The following KIFAP3 variants were observed in gnomAD, a reference collection of about 807,000 sequenced individuals.
KIFAP3 encodes kinesin associated protein 3.
KIFAP3 carries 68 observed loss-of-function variants against 106.5 expected under a neutral mutation model. The observed-to-expected ratio is 0.64, with a 90% CI of 0.53 to 0.78. The LOEUF is 0.78. Among genes scored for constraint, KIFAP3 ranks in the 30% least tolerant of loss-of-function variants. KIFAP3 has a pLI of 0.00. For missense variants in KIFAP3, 780 were observed against 941.8 expected (o/e 0.83, Z 2.25); for synonymous variants, 320 against 311.5 (o/e 1.03, Z -0.29).
At chr1:170,073,776 A>AT (rs935844336) in intron 1 of KIFAP3, among the ~76,000 whole-genome samples, 1 of 152,014 alleles carries the variant, frequency 6.6e-6, no homozygotes, top group Non-Finnish European at 1.5e-5. Context: ...ACAGACTACA[A>AT]TTTTTTTGAG....
chr1:169,930,490 A>G (rs1455038817), intron 19 of KIFAP3, among the ~76,000 whole-genome samples: 4 of 152,236 alleles, frequency 2.6e-5, no homozygotes, highest in Admixed American at 2.0e-4. Flanking sequence ...TGAATTAAGT[A>G]TACGGTGTAA....
Position 170,031,925 on chromosome 1 carries a change from A to G in KIFAP3, c.802T>C (p.Tyr268His). 6.2e-7 allele frequency: 1 copy of G among 1,611,166 alleles called. No individual in the cohort carries two copies. The highest frequency in any genetic ancestry group is 8.5e-7 in the Non-Finnish European group (1 of 1,177,932). ...TCCTGTTTTACCACAAGCCCCTGGT[A>G]CTTTTTAAAGGTTTTTTCATAATCC... ...RKDYEKTFKKYQGLVVKQEQL... is the reference protein window; with the variant it reads ...RKDYEKTFKKHQGLVVKQEQL... The change falls in exon 8 of 20, where the codon TAC (tyrosine) becomes CAC (histidine). Residue 268 changes from tyrosine to histidine, a missense_variant. Tyr to His is a moderately conservative substitution (Grantham distance 83, BLOSUM62 2). Transcript: ENST00000361580.
At chr1:169,979,941 C>G (rs890133085) in intron 15 of KIFAP3, among the ~76,000 whole-genome samples, 1 of 151,940 alleles carries the variant, frequency 6.6e-6, no homozygotes, top group Non-Finnish European at 1.5e-5. Flanking sequence ...TTATACATAA[C>G]AATGAAAATG....
chr1:169,989,311 C>A (rs1369957637), intron 11 of KIFAP3, among the ~76,000 whole-genome samples: 1 of 148,576 alleles, frequency 6.7e-6, no homozygotes, highest in African/African-American at 2.4e-5. Flanking sequence ...GTTTCCTATC[C>A]TTCTTGGTTT....
chr1:170,049,665 G>T lies in KIFAP3; in HGVS notation c.165-2799C>A, dbSNP rs140083849. On this transcript the variant is annotated intron_variant, in intron 2 of 19. Coordinates refer to ENST00000361580, the MANE Select transcript of KIFAP3 (RefSeq NM_014970.4). Reference sequence around the variant, plus strand: ...AGCAGGCAGTAATCTTTGCTGTTCAGCAGCTTCCACTGGTAATACCCAGGA... The same window carrying T: ...AGCAGGCAGTAATCTTTGCTGTTCATCAGCTTCCACTGGTAATACCCAGGA... 5.1e-3 allele frequency among the ~76,000 whole-genome samples: 771 copies of T among 152,304 alleles called. 4 individuals are homozygous for T. Among genetic ancestry groups the T allele is most frequent in the African/African-American group, 0.017 (727 of 41,570 alleles).
At chr1:170,081,190 C>A (rs1418597309) in intron 1 of KIFAP3, among the ~76,000 whole-genome samples, 1 of 151,996 alleles carries the variant, frequency 6.6e-6, no homozygotes, top group Non-Finnish European at 1.5e-5. Context: ...AGAACTATTA[C>A]AAGTCAACAA....
intron 1 of KIFAP3, among the ~76,000 whole-genome samples, chr1:170,079,787 T>A (rs979840941): frequency 2.0e-5 from 3 of 152,174 alleles, no homozygotes; most frequent in South Asian, 4.1e-4. Flanking sequence ...GTTTTTTTTT[T>A]AATATTTCTA....
At chr1:169,933,121 A>AT (rs1304840535) in intron 19 of KIFAP3, among the ~76,000 whole-genome samples, 1 of 152,070 alleles carries the variant, frequency 6.6e-6, no homozygotes, top group Non-Finnish European at 1.5e-5. Context: ...AACTTAAAAA[A>AT]TTTGATTCTA....
intron 2 of KIFAP3, among the ~76,000 whole-genome samples, chr1:170,051,170 A>C (rs926621451): frequency 6.6e-6 from 1 of 152,122 alleles, no homozygotes; most frequent in Non-Finnish European, 1.5e-5. Context: ...AAAAAAAAAA[A>C]AAAGCAGGGA....
At chr1:170,050,495 C>G in intron 2 of KIFAP3, among the ~76,000 whole-genome samples, 1 of 152,094 alleles carries the variant, frequency 6.6e-6, no homozygotes, top group East Asian at 1.9e-4. Context: ...ACAGAGAACA[C>G]CACTAAGATA....
In KIFAP3 at chr1:170,074,463, T is replaced by C. The variant is rs1187609378; in HGVS notation, c.5A>G (p.Gln2Arg). 1 of 1,606,694 alleles carries C rather than the reference T, an allele frequency of 6.2e-7. No individual in the cohort carries two copies. The highest frequency in any genetic ancestry group is 1.7e-5 in the Admixed American group (1 of 59,960). ...TTTGAGGTATCTGGCGTCCTCCCCT[T>C]GCATGGCGGCAGCGGCAGCGGCGTG... M[Q>R]GEDARYLKRK... Residue 2 changes from glutamine (Q) to arginine (R), a missense_variant, in exon 1 of 20, where the codon CAA (glutamine) becomes CGA (arginine). Gln to Arg is a conservative substitution (Grantham distance 43). Around this residue, in one of 3 missense-constraint regions of KIFAP3, gnomAD observed 588 missense variants for 678.9 expected, o/e 0.87. Transcript: ENST00000361580.
At chr1:169,986,294 A>G (rs1372627728) in intron 11 of KIFAP3, among the ~76,000 whole-genome samples, 1 of 151,958 alleles carries the variant, frequency 6.6e-6, no homozygotes, top group Non-Finnish European at 1.5e-5. Context: ...GAAAACCAAA[A>G]TTAAATTTGG....
chr1:170,018,477 C>T (rs180999936), intron 9 of KIFAP3, among the ~76,000 whole-genome samples: 21 of 151,652 alleles, frequency 1.4e-4, no homozygotes, highest in Admixed American at 1.0e-3. Flanking sequence ...AAACATCTCA[C>T]GTCTTTTAGT....
intron 8 of KIFAP3, among the ~76,000 whole-genome samples, chr1:170,026,877 T>A (rs1669135013): frequency 6.6e-6 from 1 of 152,196 alleles, no homozygotes; most frequent in Non-Finnish European, 1.5e-5. Context: ...CTGTCCAGAC[T>A]AACAAATTAT....
At chr1:169,956,980 A>T (rs1665049121) in intron 18 of KIFAP3, among the ~76,000 whole-genome samples, 1 of 152,192 alleles carries the variant, frequency 6.6e-6, no homozygotes, top group South Asian at 2.1e-4. Context: ...GACAAAAGTT[A>T]GGCAGCTCTG....
chr1:169,946,972 T>C (rs1664474295), intron 19 of KIFAP3, among the ~76,000 whole-genome samples: 1 of 151,988 alleles, frequency 6.6e-6, no homozygotes, highest in Admixed American at 6.5e-5. Context: ...TGTTATGACA[T>C]AGCTATTGCA....
In KIFAP3 at chr1:169,929,756, A is replaced by AT. The variant is rs965226191; in HGVS notation, c.2274-7976dup. 8.4e-4 allele frequency among the ~76,000 whole-genome samples: 128 copies of AT among 151,928 alleles called. 1 individual carries two copies. The highest frequency in any genetic ancestry group is 2.1e-3 in the South Asian group (10 of 4,808). ...TTATTCTTAATGAATTCAAACTAGT[A>AT]TTTTTTTTCAAAAATCAAGGGCAAA... On this transcript the variant is annotated intron_variant, in intron 19 of 19. Transcript: ENST00000361580.
intron 2 of KIFAP3, among the ~76,000 whole-genome samples, chr1:170,049,848 C>T (rs1299327156): frequency 6.6e-6 from 1 of 151,862 alleles, no homozygotes; most frequent in Non-Finnish European, 1.5e-5. Context: ...GGTCATCAGC[C>T]TCAAAGATCA....
At chr1:169,948,787 T>C (rs1047297762) in intron 19 of KIFAP3, among the ~76,000 whole-genome samples, 21 of 152,022 alleles carry the variant, frequency 1.4e-4, no homozygotes, top group African/African-American at 4.6e-4. Flanking sequence ...GGCTGTAAAA[T>C]AGACAACTTA....
Sources: allele counts gnomAD v4.1 joint callset (sites outside exome capture counted in the v4.1 genomes callset), GRCh38; gene constraint gnomAD v4.1.1; regional missense constraint gnomAD v4.1.1; transcripts MANE v1.5; gene names NCBI Gene and HGNC (gene_info 2026-07-23, HGNC 2026-07-21).